Variants in PRUNE2 observed in about 807,000 individuals in gnomAD.
The protein encoded by PRUNE2 is protein prune homolog 2.
Under a neutral mutation model 252.0 loss-of-function variants are expected in PRUNE2, and 164 were observed. The observed-to-expected ratio is 0.65, with a 90% CI of 0.57 to 0.74. The LOEUF (loss-of-function observed/expected upper bound fraction) is 0.74, where lower values mean the gene tolerates loss of function less well. PRUNE2 is among the 30% of genes least tolerant of loss of function. The pLI is 0.00. For synonymous variants in PRUNE2, 1,292 were observed against 1,350.2 expected, an observed-to-expected ratio of 0.96 and a Z score of 0.94; for missense variants, 3,495 against 3,711.0, an observed-to-expected ratio of 0.94 and a Z score of 1.51.
At chr9:76,774,450 C>CTTTT (rs869289049) in intron 6 of PRUNE2, among the ~76,000 whole-genome samples, 3 of 41,400 alleles carry the variant, frequency 7.2e-5, no homozygotes, top group Admixed American at 2.5e-4. Flanking sequence ...CAGTTCAACC[C>CTTTT]TTTTTTTTTT....
At chr9:76,641,228 G>T (rs193035604) in intron 12 of PRUNE2, among the ~76,000 whole-genome samples, 306 of 152,256 alleles carry the variant, frequency 2.0e-3, no homozygotes, top group African/African-American at 7.1e-3. Flanking sequence ...ATTTATAAAT[G>T]AAAATGTGTT....
rs529438985 is a variant in PRUNE2, at chr9:76,716,811, C to A, written c.757-3090G>T. Among the ~76,000 whole-genome samples the A allele has an allele frequency of 1.0e-4, 15 of 149,960 alleles. No individual in the cohort carries two copies. In the South Asian group the frequency reaches 2.7e-3, roughly 27 times the overall value. ...CCATCATCTAGATTCCCTCCCCTCGCCCCCCAACCCCCCAACAGGCCCCAG... is the reference window on the plus strand; with the variant it reads ...CCATCATCTAGATTCCCTCCCCTCGACCCCCAACCCCCCAACAGGCCCCAG... On this transcript the variant is annotated intron_variant, in intron 6 of 18. Transcript: ENST00000376718.
intron 1 of PRUNE2, among the ~76,000 whole-genome samples, chr9:76,901,271 G>GT (rs1256512615): frequency 2.0e-5 from 3 of 152,144 alleles, no homozygotes; most frequent in Non-Finnish European, 2.9e-5. Context: ...TAAGCAAGGG[G>GT]TATCACATTC....
rs754897917 is a variant in PRUNE2 at position 76,705,645 on chromosome 9, G to A, written c.6629C>T (p.Ala2210Val). The A allele has an allele frequency of 1.2e-6, 2 of 1,613,948 alleles. No homozygotes were observed. The highest frequency in any genetic ancestry group is 1.7e-6 in the Non-Finnish European group (2 of 1,179,880). The stretch of plus-strand genomic sequence containing the variant: ...CAAAATTGGTGCCATATCTGGGCTG[G>A]CTCCTTTTTCTGATACTTGTAAACC... Reference protein sequence around the residue: ...STGLQVSEKGASPDMAPILEP... With the variant: ...STGLQVSEKGVSPDMAPILEP... Residue 2210 changes from alanine to valine, a missense_variant, in exon 8 of 19, where the codon GCC (alanine) becomes GTC (valine). Coordinates refer to ENST00000376718, the MANE Select transcript of PRUNE2 (RefSeq NM_015225.3).
rs535182762 is a variant in PRUNE2, at chr9:76,856,902, C to T, written c.37-2694G>A. 2.6e-5 allele frequency among the ~76,000 whole-genome samples: 4 copies of T among 152,034 alleles called. No individual in the cohort carries two copies. In the East Asian group the frequency reaches 5.8e-4, roughly 22 times the overall value. Reference sequence around the variant, plus strand: ...CTGAGTAGCTGGGATTACAGGTGCCCGCTACCACATCCAGCTAATTTTTGT... The same window carrying T: ...CTGAGTAGCTGGGATTACAGGTGCCTGCTACCACATCCAGCTAATTTTTGT... On this transcript the variant is annotated intron_variant, in intron 1 of 18. Transcript: ENST00000376718.
At chr9:76,844,500 CCT>C (rs1383647669) in intron 4 of PRUNE2, among the ~76,000 whole-genome samples, 1 of 152,160 alleles carries the variant, frequency 6.6e-6, no homozygotes, top group Non-Finnish European at 1.5e-5. Context: ...GTGAAATAAA[CCT>C]CTTTCTAAAT....
At chr9:76,653,603 C>T (rs956171330) in intron 10 of PRUNE2, among the ~76,000 whole-genome samples, 2 of 152,056 alleles carry the variant, frequency 1.3e-5, no homozygotes, top group South Asian at 2.1e-4. Context: ...ATTTTCTAAT[C>T]GTTTGTGTTG....
At chr9:76,847,855 CCATT>C (rs1466795249) in intron 3 of PRUNE2, among the ~76,000 whole-genome samples, 1 of 152,246 alleles carries the variant, frequency 6.6e-6, no homozygotes, top group East Asian at 1.9e-4. Flanking sequence ...CTAAATTTTT[CCATT>C]TTAATTGGTA....
At chr9:76,776,518 C>CTTTTTTTTT (rs796197139) in intron 6 of PRUNE2, among the ~76,000 whole-genome samples, 2 of 122,846 alleles carry the variant, frequency 1.6e-5, no homozygotes, top group African/African-American at 6.1e-5. Context: ...TTTCTTTTTT[C>CTTTTTTTTT]TTTTTTTTTT....
intron 9 of PRUNE2, among the ~76,000 whole-genome samples, chr9:76,687,915 C>A (rs1452822604): frequency 6.6e-6 from 1 of 152,160 alleles, no homozygotes; most frequent in Non-Finnish European, 1.5e-5. Flanking sequence ...AATCTAGAAG[C>A]CTCCAATAAA....
At chr9:76,641,544 A>G (rs969298098) in intron 12 of PRUNE2, among the ~76,000 whole-genome samples, 14 of 152,178 alleles carry the variant, frequency 9.2e-5, no homozygotes, top group African/African-American at 3.1e-4. Flanking sequence ...TGCCCCTCCC[A>G]GATACCTTGA....
chr9:76,879,896 TATA>T (rs2061669555), intron 1 of PRUNE2, among the ~76,000 whole-genome samples: 6 of 92,132 alleles, frequency 6.5e-5, no homozygotes, highest in African/African-American at 3.4e-4. Flanking sequence ...TATATATATA[TATA>T]TATATTTTTT....
Position 76,672,107 on chromosome 9 carries a change from C to T in PRUNE2, c.8277-16605G>A, listed in dbSNP as rs577323395. On this transcript the variant is annotated intron_variant, in intron 9 of 18. Coordinates refer to ENST00000376718, the MANE Select transcript of PRUNE2 (RefSeq NM_015225.3). ...GCTCCAATTAAAAGACACAGACTGG[C>T]GAATTGGATAAAGAGTCAAGACCCA... Among the ~76,000 whole-genome samples, 38 of 151,898 alleles carry T rather than the reference C, an allele frequency of 2.5e-4. No individual in the cohort carries two copies. The South Asian group carries it at 5.8e-3, about 23-fold the overall frequency.
rs2040934320 is a variant in PRUNE2 at position 76,669,687 on chromosome 9, C to T, written c.8277-14185G>A. Among the ~76,000 whole-genome samples the T allele has an allele frequency of 2.0e-5, 3 of 152,196 alleles. No individual in the cohort carries two copies. In the South Asian group the frequency reaches 6.2e-4, roughly 31 times the overall value. On this transcript the variant is annotated intron_variant, in intron 9 of 18. Coordinates refer to ENST00000376718, the MANE Select transcript of PRUNE2 (RefSeq NM_015225.3). Reference sequence around the variant, plus strand: ...CCACAGTCCAGTCTAAGCTGACTTCCAACTGGGCGTGAGATGCCAGTCTTC... The same window carrying T: ...CCACAGTCCAGTCTAAGCTGACTTCTAACTGGGCGTGAGATGCCAGTCTTC...
intron 1 of PRUNE2, among the ~76,000 whole-genome samples, chr9:76,874,070 A>G (rs1182533300): frequency 6.6e-6 from 1 of 152,198 alleles, no homozygotes; most frequent in African/African-American, 2.4e-5. Flanking sequence ...CATTAGTACA[A>G]ATAAATGTGA....
intron 6 of PRUNE2, chr9:76,733,861 C>T (rs981397206): frequency 6.6e-6 from 1 of 151,944 alleles, no homozygotes; most frequent in African/African-American, 2.4e-5. Flanking sequence ...GTTTTTCCTG[C>T]TACTGACTTT....
chr9:76,692,964 C>G (rs1213169896), intron 9 of PRUNE2: 1 of 149,776 alleles, frequency 6.7e-6, no homozygotes, highest in African/African-American at 2.5e-5. Flanking sequence ...GCGCTGGCAA[C>G]AGAGTGAGAC....
intron 1 of PRUNE2, among the ~76,000 whole-genome samples, chr9:76,868,005 G>A (rs1250372726): frequency 1.3e-5 from 2 of 152,108 alleles, no homozygotes; most frequent in Admixed American, 6.6e-5. Context: ...CCAAATTCTG[G>A]TTCCAATCTT....
At chr9:76,790,669 T>C (rs1258968702) in intron 6 of PRUNE2, among the ~76,000 whole-genome samples, 2 of 152,232 alleles carry the variant, frequency 1.3e-5, no homozygotes, top group Non-Finnish European at 2.9e-5. Flanking sequence ...AGAAAGGTTG[T>C]GCTTTCTCAT....
Sources: gnomAD v4.1 joint callset for allele counts (sites outside exome capture counted in the v4.1 genomes callset) on GRCh38, gnomAD v4.1.1 for gene constraint, MANE v1.5 for transcripts, NCBI Gene and HGNC (gene_info 2026-07-23, HGNC 2026-07-21) for gene names.